DPY19L4: variants seen among roughly 807,000 people sequenced by gnomAD.
DPY19L4 encodes the protein dpy-19 like 4, also known as probable C-mannosyltransferase DPY19L4.
A neutral mutation model predicts 102.8 loss-of-function variants in DPY19L4; 97 were observed. The ratio of observed to expected loss-of-function variants is 0.94; its 90% CI spans 0.80 to 1.12. DPY19L4 has a LOEUF of 1.12. Among genes scored for constraint, DPY19L4 ranks in the 50% most tolerant of loss-of-function variants. DPY19L4 has a pLI of 0.00. For synonymous variants in DPY19L4, 252 were observed against 283.1 expected (o/e 0.89, Z 1.10); for missense variants, 815 against 850.4 (o/e 0.96, Z 0.52).
At chr8:94,787,194 T>C (rs1813693804) in intron 17 of DPY19L4, among the ~76,000 whole-genome samples, 1 of 152,200 alleles carries the variant, frequency 6.6e-6, no homozygotes, top group South Asian at 2.1e-4. Flanking sequence ...GGTTTTTTTT[T>C]AATGCCCCAA....
intron 11 of DPY19L4, among the ~76,000 whole-genome samples, chr8:94,767,006 G>A (rs925144213): frequency 1.3e-5 from 2 of 151,412 alleles, no homozygotes; most frequent in Admixed American, 1.3e-4. Context: ...GGAGGTGGAG[G>A]TCATAGTGAG....
At chr8:94,761,442 C>T (rs2130875658) in intron 7 of DPY19L4, among the ~76,000 whole-genome samples, 1 of 151,972 alleles carries the variant, frequency 6.6e-6, no homozygotes, top group South Asian at 2.1e-4. Flanking sequence ...TTTTTCTTCC[C>T]CTTTGTCTTC....
chr8:94,788,087 A>G (rs1563621279), intron 18 of DPY19L4, 35 bp downstream of exon 18: 1 of 1,089,556 alleles, frequency 9.2e-7, no homozygotes. Context: ...ATATATGTAT[A>G]TATATATATT....
intron 13 of DPY19L4, among the ~76,000 whole-genome samples, chr8:94,774,581 T>C: frequency 9.6e-6 from 1 of 103,820 alleles, no homozygotes; most frequent in African/African-American, 3.4e-5. Flanking sequence ...ACTTCTTTCT[T>C]TTTTTTTTTT....
chr8:94,730,122 A>G (rs747063447), intron 2 of DPY19L4, among the ~76,000 whole-genome samples: 2 of 150,966 alleles, frequency 1.3e-5, no homozygotes, highest in Non-Finnish European at 2.9e-5. Flanking sequence ...TTCTCAACAT[A>G]TCATTGGCTT....
chr8:94,737,004 T>C (rs1245090828), intron 3 of DPY19L4, among the ~76,000 whole-genome samples: 1 of 152,224 alleles, frequency 6.6e-6, no homozygotes, highest in Non-Finnish European at 1.5e-5. Context: ...ACAATTCATT[T>C]TAAACCTTAA....
At position 94,770,570 on chromosome 8, in the gene DPY19L4, G is replaced by T. The variant is rs1812882830; in HGVS notation, c.1453G>T (p.Gly485Cys). The T allele has an allele frequency of 6.2e-7, 1 of 1,613,114 alleles. No individual in the cohort carries two copies. Among genetic ancestry groups the T allele is most frequent in the Non-Finnish European group, 8.5e-7 (1 of 1,179,728 alleles). The change falls in exon 13 of 19, where the codon GGC (glycine) becomes TGC (cysteine). Residue 485 changes from glycine to cysteine, a missense_variant and splice_region_variant. Physicochemically the swap from Gly to Cys is radical, Grantham distance 159 (BLOSUM62 -3). Transcript: ENST00000414645. The part of the protein sequence containing the change: ...LLGSLAMVIE[G>C]LKYIWIPYVC... ...GGGTTCTCTTGCAATGGTTATAGAA[G>T]GGTAAGTGTACTTTATTTGATCCCT...
chr8:94,753,793 A>G (rs944841359), intron 6 of DPY19L4, among the ~76,000 whole-genome samples: 2 of 152,028 alleles, frequency 1.3e-5, no homozygotes, highest in Non-Finnish European at 2.9e-5. Context: ...AATCGCTTGA[A>G]CCTTGGGAGG....
At chr8:94,734,498 G>T in intron 2 of DPY19L4, 132 bp from the exon 3 acceptor site, 1 of 889,120 alleles carries the variant, frequency 1.1e-6, no homozygotes, top group Non-Finnish European at 1.7e-6. Context: ...GAATTTATCT[G>T]ATGCTTTTCT....
intron 1 of DPY19L4, chr8:94,720,249 G>C: frequency 1.0e-6 from 1 of 985,446 alleles, no homozygotes; most frequent in South Asian, 4.7e-5. Context: ...GGAGCTGAAA[G>C]TTGGGAATCC....
At chr8:94,725,859 G>T (rs942376238) in intron 1 of DPY19L4, among the ~76,000 whole-genome samples, 1 of 151,916 alleles carries the variant, frequency 6.6e-6, no homozygotes, top group Non-Finnish European at 1.5e-5. Context: ...GGATGGTCTC[G>T]ATCTCCTGAC....
chr8:94,739,611 A>G, intron 5 of DPY19L4, 34 bp from the exon 6 acceptor site: 1 of 1,609,348 alleles, frequency 6.2e-7, no homozygotes. Context: ...ATGCCATCCT[A>G]TTGTCTTGTT....
At chr8:94,779,093 G>A (rs1257672885) in intron 14 of DPY19L4, among the ~76,000 whole-genome samples, 1 of 152,124 alleles carries the variant, frequency 6.6e-6, no homozygotes, top group African/African-American at 2.4e-5. Flanking sequence ...ACAGACTTCA[G>A]TCACAGAGGA....
chr8:94,759,182 A>G (rs928907582), intron 7 of DPY19L4, among the ~76,000 whole-genome samples: 3 of 152,132 alleles, frequency 2.0e-5, no homozygotes, highest in Non-Finnish European at 4.4e-5. Flanking sequence ...AGGGGACCCA[A>G]GTGGTTTGCC....
Position 94,793,302 on chromosome 8 carries a change from G to A in DPY19L4, c.*3392G>A, listed in dbSNP as rs1813932587. The A allele has an allele frequency of 6.6e-6, 1 of 152,124 alleles. No homozygotes were observed. The highest frequency in any genetic ancestry group is 2.4e-5 in the African/African-American group (1 of 41,436). The allele number at this position is 152,124 out of a possible 1,614,324, so 9.4% of individuals were successfully genotyped here. A position where few individuals can be genotyped will look rare whatever the true frequency, so the allele number is the denominator to read the frequency against. ...TTACACTGTGAATAGCCATTGTATT[G>A]TTTTGTTTCTGATAAATCAGTTGTT... On this transcript the variant is annotated 3_prime_UTR_variant, in exon 19 of 19. Transcript: ENST00000414645.
rs1813827903 is a variant in DPY19L4 at position 94,789,978 on chromosome 8, G to A, written c.*68G>A. ...TGCAGTTTTCTTCTACCTACTCGGT[G>A]TCTTTTGCAGATCAGAGTATGGACA... On this transcript the variant is annotated 3_prime_UTR_variant, in exon 19 of 19. Transcript: ENST00000414645. 2.0e-6 allele frequency: 3 copies of A among 1,463,588 alleles called. No homozygotes were observed. Among genetic ancestry groups the A allele is most frequent in the South Asian group, 2.5e-5 (2 of 79,018 alleles). 90.7% of individuals were successfully genotyped at this position (1,463,588 alleles called of 1,614,324 possible). A position where few individuals can be genotyped will look rare whatever the true frequency, so the allele number is the denominator to read the frequency against.
intron 13 of DPY19L4, among the ~76,000 whole-genome samples, chr8:94,772,242 C>T (rs1812968915): frequency 6.6e-6 from 1 of 152,096 alleles, no homozygotes; most frequent in African/African-American, 2.4e-5. Context: ...ATCCCCCTTC[C>T]TCAGAAGCAC....
At chr8:94,784,611 A>G (rs1399027727) in intron 17 of DPY19L4, among the ~76,000 whole-genome samples, 2 of 152,020 alleles carry the variant, frequency 1.3e-5, no homozygotes, top group Non-Finnish European at 2.9e-5. Context: ...GTATTTTTTA[A>G]TAGAGACAGG....
chr8:94,720,089 T>TG lies in DPY19L4; in HGVS notation c.16+78dup, dbSNP rs1810389210. ...AGGAGGGGCGGGGGCGCTGGAGGTC[T>TG]GGGTTGGAGCTGCTGGTGGCCGCGG... On this transcript the variant is annotated intron_variant, in intron 1 of 18. Transcript: ENST00000414645. 4.7e-6 allele frequency: 7 copies of TG among 1,491,082 alleles called. No individual in the cohort carries two copies. In the South Asian group the frequency reaches 9.0e-5, roughly 19 times the overall value. The allele number at this position is 1,491,082 out of a possible 1,614,324, so 92.4% of individuals were successfully genotyped here. A position where few individuals can be genotyped will look rare whatever the true frequency, so the allele number is the denominator to read the frequency against.
Sources: gnomAD v4.1 joint callset for allele counts (sites outside exome capture counted in the v4.1 genomes callset) on GRCh38, gnomAD v4.1.1 for gene constraint, MANE v1.5 for transcripts, NCBI Gene and HGNC (gene_info 2026-07-23, HGNC 2026-07-21) for gene names.